Variants in FAM209A observed in about 807,000 individuals in gnomAD.
FAM209A encodes the protein protein FAM209A.
Under a neutral mutation model 9.8 loss-of-function variants are expected in FAM209A, and 4 were observed. The ratio of observed to expected loss-of-function variants is 0.41; its 90% CI spans 0.20 to 0.94. The LOEUF (loss-of-function observed/expected upper bound fraction) is 0.94. FAM209A is among the 40% of genes least tolerant of loss of function. FAM209A has a pLI of 0.32. For missense variants in FAM209A, 205 were observed against 209.4 expected, an observed-to-expected ratio of 0.98 and a Z score of 0.13; for synonymous variants, 55 against 77.8, an observed-to-expected ratio of 0.71 and a Z score of 1.54.
chr20:56,526,103 A>G lies in FAM209A; in HGVS notation c.*33A>G, dbSNP rs540654320. The G allele has an allele frequency of 1.2e-5, 18 of 1,542,778 alleles. No individual in the cohort carries two copies. In the Admixed American group the frequency reaches 2.3e-4, roughly 20 times the overall value. Reference sequence around the variant, plus strand: ...TGTGTGTCAGGAGAGAAAAAAGTTGAGTGTTGACAAACTGTATGCAAACTA... The same window carrying G: ...TGTGTGTCAGGAGAGAAAAAAGTTGGGTGTTGACAAACTGTATGCAAACTA... On this transcript the variant is annotated 3_prime_UTR_variant, in exon 2 of 2. Coordinates refer to ENST00000371328, the MANE Select transcript of FAM209A (RefSeq NM_001012971.4).
chr20:56,532,484 T>TAA, the FAM209A span, among the ~76,000 whole-genome samples: 1 of 27,308 alleles, frequency 3.7e-5, no homozygotes. Context: ...CTTTTTCTTT[T>TAA]TTTTTTTTTT....
chr20:56,526,086 A>G lies in FAM209A; in HGVS notation c.*16A>G, dbSNP rs994854242. ...CTCTAGCTGAATGGATTTGTGTGTC[A>G]GGAGAGAAAAAAGTTGAGTGTTGAC... On this transcript the variant is annotated 3_prime_UTR_variant, in exon 2 of 2. Transcript: ENST00000371328. 1.0e-5 allele frequency: 16 copies of G among 1,557,754 alleles called. No individual in the cohort carries two copies. The highest frequency in any genetic ancestry group is 1.4e-5 in the Non-Finnish European group (16 of 1,154,468).
downstream of FAM209A, among the ~76,000 whole-genome samples, chr20:56,526,555 A>G (rs1472022713): frequency 6.6e-6 from 1 of 152,126 alleles, no homozygotes; most frequent in Non-Finnish European, 1.5e-5. Context: ...TCTCACCACA[A>G]GAGTCCTTTC....
chr20:56,531,279 T>G, the FAM209A span, among the ~76,000 whole-genome samples: 2,975 of 151,902 alleles, frequency 0.02, 41 homozygotes, highest in Middle Eastern at 0.037. Context: ...CTTATCACAA[T>G]TGTTTTTTCT....
the FAM209A span, chr20:56,533,216 G>T: frequency 6.5e-7 from 1 of 1,545,576 alleles, no homozygotes; most frequent in Non-Finnish European, 8.7e-7. Flanking sequence ...CATCACAATG[G>T]CCAGGGTGGC....
chr20:56,532,218 G>A, the FAM209A span, among the ~76,000 whole-genome samples: 2 of 151,618 alleles, frequency 1.3e-5, no homozygotes, highest in African/African-American at 4.8e-5. Context: ...TGGGTGATCT[G>A]CCTACCTTGG....
chr20:56,528,145 C>T (rs112708032), downstream of FAM209A, among the ~76,000 whole-genome samples: 2,804 of 151,602 alleles, frequency 0.018, 41 homozygotes, highest in Middle Eastern at 0.027. Context: ...TACCCAGGTG[C>T]GGTGCTGTGC....
chr20:56,533,469 G>A, the FAM209A span: 13 of 1,613,966 alleles, frequency 8.1e-6, no homozygotes, highest in African/African-American at 8.0e-5. Flanking sequence ...GAGCACTTTC[G>A]GATTCGGCAG....
chr20:56,529,602 G>T (rs1010345849), downstream of FAM209A, among the ~76,000 whole-genome samples: 1 of 152,140 alleles, frequency 6.6e-6, no homozygotes, highest in Non-Finnish European at 1.5e-5. Context: ...GCCGAGACAG[G>T]TGAATCATCT....
At chr20:56,532,726 C>T in the FAM209A span, among the ~76,000 whole-genome samples, 1 of 152,092 alleles carries the variant, frequency 6.6e-6, no homozygotes, top group African/African-American at 2.4e-5. Context: ...TCGTAATCTG[C>T]CCGCCTCAGC....
In FAM209A at chr20:56,526,019, TC is replaced by T; in HGVS notation, c.467del (p.Pro156HisfsTer30). On this transcript the variant is annotated frameshift_variant, in exon 2 of 2. Transcript: ENST00000371328. LOFTEE classifies it high-confidence loss of function. ...TTCGAAAGTCAGAGATGCCTGCAGA[TC>T]CATACCATGTCACGATCTGTGAAAT... is the stretch of plus-strand genomic sequence containing the variant. ...RLRKSEMPADPYHVTICEIWG... is the reference protein window; with the variant it reads ...RLRKSEMPADXYHVTICEIWG... The T allele has an allele frequency of 1.2e-6, 2 of 1,613,894 alleles. No homozygotes were observed. The highest frequency in any genetic ancestry group is 1.1e-5 in the South Asian group (1 of 91,020).
downstream of FAM209A, among the ~76,000 whole-genome samples, chr20:56,526,883 A>G (rs1339560427): frequency 3.9e-5 from 6 of 152,244 alleles, no homozygotes; most frequent in Admixed American, 3.9e-4. Flanking sequence ...CCTGGGCTAC[A>G]TAGTGAGACC....
downstream of FAM209A, among the ~76,000 whole-genome samples, chr20:56,527,438 CT>C (rs2146397623): frequency 6.6e-6 from 1 of 152,346 alleles, no homozygotes; most frequent in African/African-American, 2.4e-5. Context: ...GAATGGTGAC[CT>C]GCCCTCCTGC....
At chr20:56,532,480 C>CTTTTT in the FAM209A span, among the ~76,000 whole-genome samples, 27 of 108,244 alleles carry the variant, frequency 2.5e-4, no homozygotes, top group East Asian at 6.9e-4. Flanking sequence ...TTTTCTTTTT[C>CTTTTT]TTTTTTTTTT....
chr20:56,528,216 G>A (rs980359707), downstream of FAM209A, among the ~76,000 whole-genome samples: 2 of 152,016 alleles, frequency 1.3e-5, no homozygotes, highest in Non-Finnish European at 2.9e-5. Flanking sequence ...CTGGGAGGTC[G>A]AGGCTGCAGT....
At chr20:56,533,481 A>G in the FAM209A span, 128 of 1,614,146 alleles carry the variant, frequency 7.9e-5, 1 homozygote, top group African/African-American at 1.1e-3. Context: ...ATTCGGCAGA[A>G]CCTACCAGAG....
the FAM209A span, among the ~76,000 whole-genome samples, chr20:56,531,620 G>A: frequency 2.0e-5 from 3 of 148,328 alleles, no homozygotes; most frequent in Non-Finnish European, 4.5e-5. Flanking sequence ...AATTTTAATC[G>A]AACTATACTC....
rs1985501704 is a variant in FAM209A, at chr20:56,525,784, T to G, written c.250-20T>G. The G allele has an allele frequency of 6.2e-7, 1 of 1,609,102 alleles. No individual in the cohort carries two copies. Among genetic ancestry groups the G allele is most frequent in the African/African-American group, 1.3e-5 (1 of 74,544 alleles). On this transcript the variant is annotated intron_variant, in intron 1 of 1. Coordinates refer to ENST00000371328, the MANE Select transcript of FAM209A (RefSeq NM_001012971.4). ...AACAAAGTTCACAATATTACTGACC[T>G]TGAGTATCTTTCCTGACAGGAGCAG... is the stretch of plus-strand genomic sequence containing the variant.
At chr20:56,526,655 A>T (rs548393055), downstream of FAM209A, among the ~76,000 whole-genome samples, 1 of 152,124 alleles carries the variant, frequency 6.6e-6, no homozygotes, top group African/African-American at 2.4e-5. Context: ...TTTAAAAAAA[A>T]AAAAAGGGGG....
Sources: gnomAD v4.1 joint callset for allele counts (sites outside exome capture counted in the v4.1 genomes callset) on GRCh38, gnomAD v4.1.1 for gene constraint, MANE v1.5 for transcripts, NCBI Gene and HGNC (gene_info 2026-07-23, HGNC 2026-07-21) for gene names.